Variants in BRINP1 observed in about 807,000 individuals in gnomAD.
BRINP1 encodes the protein BMP/retinoic acid-inducible neural-specific protein 1.
Under a neutral mutation model 72.9 loss-of-function variants are expected in BRINP1, and 17 were observed. That is an observed-to-expected ratio of 0.23 (90% CI 0.16 to 0.35). The LOEUF is 0.35. Ranked by LOEUF, BRINP1 falls within the 10% of genes least tolerant of loss-of-function variation. The pLI is 1.00. For missense variants in BRINP1, 850 were observed against 1,001.6 expected (o/e 0.85, Z 2.04); for synonymous variants, 418 against 378.5 (o/e 1.10, Z -1.21).
chr9:119,263,601 CTTTTTT>C (rs386416080), intron 2 of BRINP1, among the ~76,000 whole-genome samples: 1 of 78,560 alleles, frequency 1.3e-5, no homozygotes, highest in Non-Finnish European at 2.2e-5. Context: ...GTAAACAATT[CTTTTTT>C]TTTTTTTTTT....
chr9:119,224,338 C>T (rs2118888792), intron 5 of BRINP1, among the ~76,000 whole-genome samples: 1 of 152,036 alleles, frequency 6.6e-6, no homozygotes. Context: ...ATATATGGTC[C>T]AGCATTTGCC....
intron 4 of BRINP1, among the ~76,000 whole-genome samples, chr9:119,241,467 T>C (rs1588174571): frequency 6.6e-6 from 1 of 152,268 alleles, no homozygotes; most frequent in Middle Eastern, 3.4e-3. Flanking sequence ...ATGCCTAAAA[T>C]AATTATTGTT....
chr9:119,216,786 G>T (rs1211600639), intron 5 of BRINP1, among the ~76,000 whole-genome samples: 1 of 152,076 alleles, frequency 6.6e-6, no homozygotes. Context: ...AGGAATTTGG[G>T]GAGAGCATTT....
At chr9:119,324,353 T>C (rs1218499490) in intron 1 of BRINP1, among the ~76,000 whole-genome samples, 1 of 152,212 alleles carries the variant, frequency 6.6e-6, no homozygotes, top group Non-Finnish European at 1.5e-5. Context: ...GTTTTTCCTT[T>C]GGGGTATTGT....
At chr9:119,335,070 C>T (rs536613502) in intron 1 of BRINP1, among the ~76,000 whole-genome samples, 3 of 152,122 alleles carry the variant, frequency 2.0e-5, no homozygotes, top group East Asian at 1.9e-4. Flanking sequence ...AATATTCTCC[C>T]GACTGAGACG....
Position 119,187,627 on chromosome 9 carries a change from T to C in BRINP1, c.1146-19403A>G, listed in dbSNP as rs147594486. On this transcript the variant is annotated intron_variant, in intron 7 of 7. Coordinates refer to ENST00000265922, the MANE Select transcript of BRINP1 (RefSeq NM_014618.3). ...GGTGATTGTCCACTAAATGCACAGATATAAACATAAGGACACAAAGAACAT... is the reference window on the plus strand; with the variant it reads ...GGTGATTGTCCACTAAATGCACAGACATAAACATAAGGACACAAAGAACAT... Among the ~76,000 whole-genome samples, 991 of 151,968 alleles carry C rather than the reference T, an allele frequency of 6.5e-3. 6 individuals carry two copies. Among genetic ancestry groups the C allele is most frequent in the Non-Finnish European group, 9.3e-3 (634 of 67,986 alleles).
At chr9:119,298,221 C>T (rs980660854) in intron 2 of BRINP1, among the ~76,000 whole-genome samples, 5 of 152,148 alleles carry the variant, frequency 3.3e-5, no homozygotes, top group Admixed American at 2.6e-4. Flanking sequence ...ATCCAAAGTC[C>T]GTCCCTCATG....
chr9:119,177,532 T>C (rs916193654), intron 7 of BRINP1, among the ~76,000 whole-genome samples: 6 of 152,156 alleles, frequency 3.9e-5, no homozygotes, highest in Admixed American at 2.6e-4. Context: ...CCTCTCCAAG[T>C]GACAGGACAG....
chr9:119,339,646 T>C (rs899411588), intron 1 of BRINP1, among the ~76,000 whole-genome samples: 11 of 152,210 alleles, frequency 7.2e-5, no homozygotes, highest in Non-Finnish European at 1.2e-4. Context: ...GGCACTGCAC[T>C]TTGCTGTCTT....
At chr9:119,218,903 C>T (rs1830009681) in intron 5 of BRINP1, among the ~76,000 whole-genome samples, 1 of 152,000 alleles carries the variant, frequency 6.6e-6, no homozygotes, top group Admixed American at 6.6e-5. Flanking sequence ...ATGCCAAAAC[C>T]CTCACTTGCA....
At chr9:119,351,589 C>T (rs1397572504) in intron 1 of BRINP1, among the ~76,000 whole-genome samples, 1 of 152,156 alleles carries the variant, frequency 6.6e-6, no homozygotes, top group Non-Finnish European at 1.5e-5. Context: ...CCTAACAATG[C>T]AAAGCACTTT....
intron 7 of BRINP1, among the ~76,000 whole-genome samples, chr9:119,205,885 C>T (rs565029798): frequency 4.6e-5 from 7 of 152,192 alleles, no homozygotes; most frequent in African/African-American, 1.4e-4. Flanking sequence ...AGATTTGCAT[C>T]GAGCTTCGTT....
chr9:119,366,510 G>A (rs1451125171), intron 1 of BRINP1, among the ~76,000 whole-genome samples: 1,899 of 6,042 alleles, frequency 0.31, 98 homozygotes, highest in East Asian at 0.5. Flanking sequence ...CACCGTGTGT[G>A]TGTGTGTGTG....
At chr9:119,185,420 T>C (rs1829606743) in intron 7 of BRINP1, among the ~76,000 whole-genome samples, 1 of 152,152 alleles carries the variant, frequency 6.6e-6, no homozygotes, top group Admixed American at 6.5e-5. Flanking sequence ...CATAACAAAA[T>C]ATTTCCTCAC....
intron 1 of BRINP1, among the ~76,000 whole-genome samples, chr9:119,344,409 G>C (rs1208731119): frequency 6.6e-6 from 1 of 152,124 alleles, no homozygotes; most frequent in African/African-American, 2.4e-5. Flanking sequence ...TGCACTGTAA[G>C]CTCCTTAAAA....
intron 2 of BRINP1, among the ~76,000 whole-genome samples, chr9:119,252,719 G>A (rs1176392712): frequency 6.6e-6 from 1 of 152,072 alleles, no homozygotes; most frequent in African/African-American, 2.4e-5. Flanking sequence ...ATTGAGTATA[G>A]AAAACTGGCA....
chr9:119,237,771 C>T (rs562028745), intron 5 of BRINP1, among the ~76,000 whole-genome samples: 17 of 152,198 alleles, frequency 1.1e-4, no homozygotes, highest in African/African-American at 4.1e-4. Flanking sequence ...AAACGATTCT[C>T]CTGCCTCATC....
At chr9:119,317,781 A>G (rs527541670) in intron 1 of BRINP1, among the ~76,000 whole-genome samples, 60 of 152,360 alleles carry the variant, frequency 3.9e-4, no homozygotes, top group African/African-American at 1.1e-3. Flanking sequence ...ATCAGTCAGA[A>G]GCCAACAACA....
intron 5 of BRINP1, among the ~76,000 whole-genome samples, chr9:119,226,799 C>A (rs1830096536): frequency 6.6e-6 from 1 of 151,746 alleles, no homozygotes; most frequent in African/African-American, 2.4e-5. Flanking sequence ...ATAGCAGAAC[C>A]TAGAAAGGTT....
Sources: gnomAD v4.1 joint callset for allele counts (sites outside exome capture counted in the v4.1 genomes callset) on GRCh38, gnomAD v4.1.1 for gene constraint, MANE v1.5 for transcripts, NCBI Gene and HGNC (gene_info 2026-07-23, HGNC 2026-07-21) for gene names.